The following ATIC variants were observed in gnomAD, a reference collection of about 807,000 sequenced individuals.
ATIC encodes the protein bifunctional purine biosynthesis protein ATIC.
A neutral mutation model predicts 72.5 loss-of-function variants in ATIC; 64 were observed. The observed-to-expected ratio is 0.88, with a 90% CI of 0.72 to 1.09. The LOEUF (loss-of-function observed/expected upper bound fraction) is 1.09, where lower values mean the gene tolerates loss of function less well. ATIC is among the 50% of genes least tolerant of loss of function. The pLI is 0.00. For missense variants in ATIC, 787 were observed against 732.4 expected (o/e 1.07, Z -0.86); for synonymous variants, 281 against 267.1 (o/e 1.05, Z -0.51).
intron 10 of ATIC, among the ~76,000 whole-genome samples, chr2:215,335,318 A>G (rs2052942790): frequency 6.6e-6 from 1 of 152,192 alleles, no homozygotes; most frequent in Admixed American, 6.5e-5. Context: ...TTAGGTGGTG[A>G]TGCGATATAA....
At chr2:215,365,013 G>C in the ATIC span, 2 of 1,401,664 alleles carry the variant, frequency 1.4e-6, no homozygotes, top group East Asian at 2.4e-5. Context: ...ACAGATGCAC[G>C]CATAAGCTGA....
At chr2:215,312,370 G>C in intron 1 of ATIC, 128 bp from the exon 2 acceptor site, 2 of 1,555,294 alleles carry the variant, frequency 1.3e-6, no homozygotes, top group South Asian at 2.2e-5. Context: ...CCCGGACCAG[G>C]CCTGCGAACG....
At chr2:215,349,865 C>A, downstream of ATIC, 1 of 844,648 alleles carries the variant, frequency 1.2e-6, no homozygotes, top group Non-Finnish European at 1.8e-6. Context: ...AGCACCCCTG[C>A]CTACCGGAGC....
chr2:215,312,700 G>A, intron 2 of ATIC, 76 bp downstream of exon 2: 3 of 1,604,488 alleles, frequency 1.9e-6, no homozygotes, highest in Non-Finnish European at 2.6e-6. Flanking sequence ...GGCACCAGCA[G>A]CAAAACGCCT....
intron 14 of ATIC, 79 bp from the exon 15 acceptor site, chr2:215,349,015 T>G: frequency 6.8e-7 from 1 of 1,461,966 alleles, no homozygotes; most frequent in Non-Finnish European, 9.4e-7. Context: ...CCCAGGTGCT[T>G]TCTGGCATGG....
Position 215,339,033 on chromosome 2 carries a change from T to A in ATIC, c.1227+126T>A, listed in dbSNP as rs996529980. The A allele has an allele frequency of 2.3e-6, 3 of 1,314,104 alleles. No homozygotes were observed. The East Asian group carries it at 7.3e-5, about 32-fold the overall frequency. 81.4% of individuals were successfully genotyped at this position (1,314,104 alleles called of 1,614,324 possible). On this transcript the variant is annotated intron_variant, in intron 12 of 15. Coordinates refer to ENST00000236959, the MANE Select transcript of ATIC (RefSeq NM_004044.7). ...GTCTGTATGCACACGGCTAGCTAGC[T>A]TATCTTTGAGTTGTCACATAAGCTT...
the ATIC span, chr2:215,365,885 A>C: frequency 3.1e-5 from 6 of 191,396 alleles, no homozygotes; most frequent in African/African-American, 1.5e-4. Context: ...GGCTCACTGT[A>C]ACCTCCATCT....
intron 7 of ATIC, among the ~76,000 whole-genome samples, chr2:215,330,248 G>A (rs1428764695): frequency 6.6e-6 from 1 of 151,960 alleles, no homozygotes; most frequent in Non-Finnish European, 1.5e-5. Context: ...TTATTGCCTA[G>A]TTTGTTTTCT....
chr2:215,334,932 G>A lies in ATIC; in HGVS notation c.936G>A (p.Met312Ile), dbSNP rs1453536113. Residue 312 changes from methionine (M) to isoleucine (I), a missense_variant, in exon 10 of 16, where the codon ATG becomes ATA. By Grantham distance (10) the Met-to-Ile change is conservative. Transcript: ENST00000236959. The stretch of plus-strand genomic sequence containing the variant: ...TTTTATTTACAGGGGCTGATAGGAT[G>A]TCTTCATTTGGTGATTTTGTTGCAT... Reference protein sequence around the residue: ...AYARARGADRMSSFGDFVALS... With the variant: ...AYARARGADRISSFGDFVALS... 2 of 1,613,230 alleles carry A rather than the reference G, an allele frequency of 1.2e-6. No individual in the cohort carries two copies. The highest frequency in any genetic ancestry group is 2.7e-5 in the African/African-American group (2 of 74,900).
At chr2:215,344,969 A>C in intron 13 of ATIC, 98 bp downstream of exon 13, 1 of 1,262,024 alleles carries the variant, frequency 7.9e-7, no homozygotes, top group Non-Finnish European at 1.1e-6. Flanking sequence ...TTGAAAGGGA[A>C]TATTTGCCAA....
At chr2:215,351,975 A>G (rs925821326), downstream of ATIC, among the ~76,000 whole-genome samples, 2 of 152,168 alleles carry the variant, frequency 1.3e-5, no homozygotes, top group Admixed American at 6.5e-5. Context: ...GAAAAACATC[A>G]GATATAACCT....
At chr2:215,358,921 C>T in the ATIC span, among the ~76,000 whole-genome samples, 3 of 152,206 alleles carry the variant, frequency 2.0e-5, no homozygotes, top group Admixed American at 6.5e-5. Context: ...CTCACTCTGT[C>T]GCCCATGCTG....
At chr2:215,319,805 T>A (rs2052748729) in intron 4 of ATIC, 74 bp downstream of exon 4, 4 of 1,230,212 alleles carry the variant, frequency 3.3e-6, no homozygotes, top group Admixed American at 3.6e-5. Flanking sequence ...GGTGTCCCTG[T>A]GTTTTCTTAC....
At chr2:215,340,637 C>G (rs576404313) in intron 12 of ATIC, among the ~76,000 whole-genome samples, 3 of 152,230 alleles carry the variant, frequency 2.0e-5, no homozygotes, top group African/African-American at 7.2e-5. Flanking sequence ...TTCATTCTGT[C>G]AGGAATTGTT....
chr2:215,326,115 A>G lies in ATIC; in HGVS notation c.508A>G (p.Thr170Ala), dbSNP rs369264258. Reference protein sequence around the residue: ...SSESKDTSLETRRQLALKAFT... With the variant: ...SSESKDTSLEARRQLALKAFT... ...CGAGAGTAAGGACACCTCCTTGGAG[A>G]CTAGACGCCAGTTAGCCTTGAAGGT... The change falls in exon 6 of 16, where the codon ACT becomes GCT. Residue 170 changes from threonine (T) to alanine (A), a missense_variant. Transcript: ENST00000236959. 96 of 1,613,920 alleles carry G rather than the reference A, an allele frequency of 5.9e-5. No individual in the cohort carries two copies. Among genetic ancestry groups the G allele is most frequent in the Non-Finnish European group, 7.0e-5 (83 of 1,179,976 alleles).
At position 215,334,954 on chromosome 2, in the gene ATIC, G is replaced by T; in HGVS notation, c.958G>T (p.Ala320Ser). Reference protein sequence around the residue: ...DRMSSFGDFVALSDVCDVPTA... With the variant: ...DRMSSFGDFVSLSDVCDVPTA... ...GATGTCTTCATTTGGTGATTTTGTT[G>T]CATTGTCCGATGTTTGTGATGTACC... Residue 320 changes from alanine (A) to serine (S), a missense_variant, in exon 10 of 16, where the codon GCA becomes TCA. Ala to Ser is a moderately conservative substitution (Grantham distance 99, BLOSUM62 1). Transcript: ENST00000236959. 1.2e-6 allele frequency: 2 copies of T among 1,613,482 alleles called. No individual in the cohort carries two copies. Among genetic ancestry groups the T allele is most frequent in the Middle Eastern group, 1.7e-4 (1 of 6,052 alleles).
At position 215,326,947 on chromosome 2, in the gene ATIC, G is replaced by C; in HGVS notation, c.657G>C (p.Leu219=). ...ACCCACATCAGACCCCTGCCCAGCT[G>C]TACACACTGCAGCCCAAGCTTCCCA... ...GMNPHQTPAQ[L]YTLQPKLPIT... is the part of the protein sequence containing the mutation. The change falls in exon 7 of 16, where the codon CTG becomes CTC. Residue 219 remains leucine (L), a synonymous_variant. Coordinates refer to ENST00000236959, the MANE Select transcript of ATIC (RefSeq NM_004044.7). 6.2e-7 allele frequency: 1 copy of C among 1,614,186 alleles called. No homozygotes were observed. Among genetic ancestry groups the C allele is most frequent in the Non-Finnish European group, 8.5e-7 (1 of 1,180,042 alleles).
chr2:215,325,654 C>T (rs959193565), intron 5 of ATIC, among the ~76,000 whole-genome samples: 1 of 152,118 alleles, frequency 6.6e-6, no homozygotes, highest in Non-Finnish European at 1.5e-5. Flanking sequence ...CCTCTGCCTC[C>T]TGGGCTCAAG....
chr2:215,312,972 C>T (rs779442248), intron 2 of ATIC, among the ~76,000 whole-genome samples: 1 of 152,132 alleles, frequency 6.6e-6, no homozygotes, highest in Non-Finnish European at 1.5e-5. Context: ...TGGCACACGC[C>T]TGTAATCCCA....
Sources: gnomAD v4.1 joint callset for allele counts (sites outside exome capture counted in the v4.1 genomes callset) on GRCh38, gnomAD v4.1.1 for gene constraint, MANE v1.5 for transcripts, NCBI Gene and HGNC (gene_info 2026-07-23, HGNC 2026-07-21) for gene names.